Variants in NPNT observed in about 807,000 individuals in gnomAD.
NPNT encodes the protein nephronectin, also known as preosteoblast EGF-like repeat protein with MAM domain.
In NPNT, 45 loss-of-function variants were observed where a neutral mutation model predicts 68.6. The observed-to-expected ratio is 0.66, with a 90% confidence interval of 0.52 to 0.84. The LOEUF is 0.84. Ranked by LOEUF, NPNT falls within the 40% of genes least tolerant of loss-of-function variation. NPNT has a pLI of 0.00. For missense variants in NPNT, 672 were observed against 714.8 expected (o/e 0.94, Z 0.68); for synonymous variants, 233 against 253.3 (o/e 0.92, Z 0.76).
At chr4:105,957,647 CAT>C (rs903219342) in intron 8 of NPNT, among the ~76,000 whole-genome samples, 7 of 152,078 alleles carry the variant, frequency 4.6e-5, no homozygotes, top group African/African-American at 1.4e-4. Context: ...GGGACAGACA[CAT>C]GTGTGTAAAT....
intron 2 of NPNT, among the ~76,000 whole-genome samples, chr4:105,903,823 C>T (rs546823991): frequency 2.8e-5 from 4 of 141,970 alleles, no homozygotes; most frequent in Admixed American, 1.5e-4. Context: ...CTTGCTCTGT[C>T]GCCCAGGTTG....
In NPNT at chr4:105,898,380, C is replaced by CTCTCTCTCTCTCTCTCTCTCTCTT. The variant is rs58673636; in HGVS notation, c.172+379_172+380insTCTCTCTCTCTCTCTCTCTCTCTT. 1.3e-4 allele frequency among the ~76,000 whole-genome samples: 15 copies of CTCTCTCTCTCTCTCTCTCTCTCTT among 112,522 alleles called. 1 individual carries two copies. Among genetic ancestry groups the CTCTCTCTCTCTCTCTCTCTCTCTT allele is most frequent in the African/African-American group, 6.5e-4 (15 of 23,046 alleles). The allele number at this position is 112,522 out of a possible 152,430, so 73.8% of individuals were successfully genotyped here. ...TCTCTCTCTCTCTCTCTCTCTCTCT[C>CTCTCTCTCTCTCTCTCTCTCTCTT]GCTGACTCGCTTGCTCCAGGCTGGG... On this transcript the variant is annotated intron_variant, in intron 2 of 11. Transcript: ENST00000379987.
chr4:105,940,479 A>C, intron 6 of NPNT, 35 bp from the exon 7 acceptor site: 2 of 1,591,890 alleles, frequency 1.3e-6, no homozygotes, highest in South Asian at 2.3e-5. Flanking sequence ...TTTATCTCCT[A>C]AATAAGTCTC....
chr4:105,895,535 G>A lies in NPNT; in HGVS notation c.-118G>A, dbSNP rs552343168. 2.5e-6 allele frequency: 2 copies of A among 802,522 alleles called. No homozygotes were observed. The highest frequency in any genetic ancestry group is 2.9e-5 in the East Asian group (1 of 34,406). 49.7% of individuals were successfully genotyped at this position (802,522 alleles called of 1,614,324 possible). On this transcript the variant is annotated 5_prime_UTR_variant, in exon 1 of 12. Coordinates refer to ENST00000379987, the MANE Select transcript of NPNT (RefSeq NM_001033047.3). ...CCTCCGGGAGCGGCAGCAGTAGCCC[G>A]GGCGGCGAGGGCTGGGGGTTCCTCG...
At position 105,944,272 on chromosome 4, in the gene NPNT, A is replaced by G. The variant is rs149280840; in HGVS notation, c.1159+1570A>G. Among the ~76,000 whole-genome samples, 420 of 152,126 alleles carry G rather than the reference A, an allele frequency of 2.8e-3. 2 individuals carry two copies. The highest frequency in any genetic ancestry group is 9.3e-3 in the African/African-American group (388 of 41,514). ...TCTCAGATACTGTCTTTTTCTCCCT[A>G]TTACTCTCCTTTTTAAATTCTCATC... On this transcript the variant is annotated intron_variant, in intron 8 of 11. Coordinates refer to ENST00000379987, the MANE Select transcript of NPNT (RefSeq NM_001033047.3).
chr4:105,948,677 C>T (rs1730574578), intron 8 of NPNT, among the ~76,000 whole-genome samples: 1 of 152,084 alleles, frequency 6.6e-6, no homozygotes, highest in South Asian at 2.1e-4. Context: ...GACAGAGTCT[C>T]ACTCTGTCAC....
At chr4:105,917,410 T>C (rs184664760) in intron 2 of NPNT, among the ~76,000 whole-genome samples, 2 of 152,330 alleles carry the variant, frequency 1.3e-5, no homozygotes, top group Admixed American at 6.5e-5. Context: ...AGAAATGCCT[T>C]CTTCTGTATT....
At chr4:105,957,690 G>C (rs1370311460) in intron 8 of NPNT, among the ~76,000 whole-genome samples, 1 of 152,122 alleles carries the variant, frequency 6.6e-6, no homozygotes, top group African/African-American at 2.4e-5. Flanking sequence ...GTGTGTAATA[G>C]GGGCTTATAA....
At chr4:105,920,232 T>C (rs1339558475) in intron 2 of NPNT, among the ~76,000 whole-genome samples, 2 of 151,848 alleles carry the variant, frequency 1.3e-5, no homozygotes, top group Non-Finnish European at 2.9e-5. Flanking sequence ...TACCATTCTT[T>C]GAGTGCTTAA....
chr4:105,936,272 G>GT (rs2149367028), intron 3 of NPNT, among the ~76,000 whole-genome samples: 2 of 152,250 alleles, frequency 1.3e-5, no homozygotes, highest in African/African-American at 4.8e-5. Flanking sequence ...ATGTTGGTAG[G>GT]TTTTTTAAAG....
chr4:105,897,782 A>G (rs2149308312), intron 1 of NPNT, 119 bp from the exon 2 acceptor site: 1 of 755,324 alleles, frequency 1.3e-6, no homozygotes, highest in Non-Finnish European at 2.3e-6. Context: ...TGCAGGCATA[A>G]AAGAGTTTGT....
chr4:105,925,842 AC>A (rs1232530795), intron 2 of NPNT, among the ~76,000 whole-genome samples: 2 of 152,086 alleles, frequency 1.3e-5, no homozygotes, highest in African/African-American at 4.8e-5. Flanking sequence ...ACATACCATC[AC>A]CAGAGCTTTG....
Position 105,938,844 on chromosome 4 carries a change from T to G in NPNT, c.505+424T>G, listed in dbSNP as rs146177807. On this transcript the variant is annotated intron_variant, in intron 5 of 11. Coordinates refer to ENST00000379987, the MANE Select transcript of NPNT (RefSeq NM_001033047.3). ...CAGTGTAGGATTGAGAGTCTGGACT[T>G]TGGTTTTAAACCTGGCTCTTCCATG... Among the ~76,000 whole-genome samples the G allele has an allele frequency of 9.1e-3, 1,391 of 152,306 alleles. 26 individuals carry two copies. Among genetic ancestry groups the G allele is most frequent in the African/African-American group, 0.031 (1,302 of 41,550 alleles).
In NPNT at chr4:105,895,693, A is replaced by T; in HGVS notation, c.41A>T (p.Tyr14Phe). Residue 14 changes from tyrosine (Y) to phenylalanine (F), a missense_variant, in exon 1 of 12, where the codon TAC becomes TTC. By Grantham distance (22) the Tyr-to-Phe change is conservative. Coordinates refer to ENST00000379987, the MANE Select transcript of NPNT (RefSeq NM_001033047.3). The part of the protein sequence containing the change: ...LLALVLVSSL[Y>F]LQAAAEFDGR... Reference sequence around the variant, plus strand: ...GCGCTGGTGCTGGTATCCTCGCTCTACCTGCAGGCGGCCGCCGAGTTCGAC... The same window carrying T: ...GCGCTGGTGCTGGTATCCTCGCTCTTCCTGCAGGCGGCCGCCGAGTTCGAC... The T allele has an allele frequency of 6.4e-7, 1 of 1,553,506 alleles. No individual in the cohort carries two copies. The highest frequency in any genetic ancestry group is 8.7e-7 in the Non-Finnish European group (1 of 1,148,136).
At chr4:105,920,159 A>G (rs1397580394) in intron 2 of NPNT, among the ~76,000 whole-genome samples, 2 of 151,828 alleles carry the variant, frequency 1.3e-5, no homozygotes, top group African/African-American at 4.8e-5. Flanking sequence ...TTGATGCTCA[A>G]ACAATCCCAA....
chr4:105,910,503 A>T (rs566570946), intron 2 of NPNT, among the ~76,000 whole-genome samples: 1 of 110,270 alleles, frequency 9.1e-6, no homozygotes, highest in South Asian at 2.3e-4. Flanking sequence ...TTTATACCGC[A>T]AAAAAAAAAA....
At chr4:105,919,794 TAA>T (rs111517214) in intron 2 of NPNT, among the ~76,000 whole-genome samples, 11,464 of 152,120 alleles carry the variant, frequency 0.075, 788 homozygotes, top group African/African-American at 0.19. Flanking sequence ...TTGGTGATAT[TAA>T]GTTTGATCAC....
Position 105,969,949 on chromosome 4 carries a change from A to G in NPNT, c.*959A>G, listed in dbSNP as rs1479185955. ...ACACTTTAAAACCACAGCTTTTACC[A>G]TCATAACATGGCTCTGGTAATATGT... On this transcript the variant is annotated 3_prime_UTR_variant, in exon 12 of 12. Coordinates refer to ENST00000379987, the MANE Select transcript of NPNT (RefSeq NM_001033047.3). 1.9e-5 allele frequency: 3 copies of G among 157,110 alleles called. No homozygotes were observed. The highest frequency in any genetic ancestry group is 4.2e-5 in the Non-Finnish European group (3 of 71,362). 9.7% of individuals were successfully genotyped at this position (157,110 alleles called of 1,614,324 possible).
intron 3 of NPNT, chr4:105,932,809 C>T (rs1416862673): frequency 9.5e-6 from 7 of 735,288 alleles, no homozygotes; most frequent in Non-Finnish European, 1.1e-5. Context: ...GAGTGTCCAG[C>T]CTTCAGCCCT....
Sources: gnomAD v4.1 joint callset for allele counts (sites outside exome capture counted in the v4.1 genomes callset) on GRCh38, gnomAD v4.1.1 for gene constraint, MANE v1.5 for transcripts, NCBI Gene and HGNC (gene_info 2026-07-23, HGNC 2026-07-21) for gene names.